Variants in SYNE1 observed in about 807,000 individuals in gnomAD.
SYNE1 encodes nesprin-1.
SYNE1 carries 616 observed loss-of-function variants against 1,111.0 expected under a neutral mutation model. That is an observed-to-expected ratio of 0.55 (90% confidence interval 0.52 to 0.59). SYNE1 has a LOEUF of 0.59. SYNE1 is among the 20% of genes least tolerant of loss of function. The probability of loss-of-function intolerance (pLI) is 0.00; values close to 1 mark genes in which losing one functional copy is unlikely to be tolerated. For missense variants in SYNE1, 10,006 were observed against 10,417.0 expected (o/e 0.96, Z 1.72); for synonymous variants, 3,855 against 3,825.8 (o/e 1.01, Z -0.28).
chr6:152,438,419 A>T (rs988161654), intron 32 of SYNE1, among the ~76,000 whole-genome samples: 9 of 152,230 alleles, frequency 5.9e-5, no homozygotes, highest in African/African-American at 2.2e-4. Flanking sequence ...ATGCAGAGAA[A>T]TCGAAAGAGC....
intron 100 of SYNE1, 115 bp from the exon 101 acceptor site, chr6:152,262,303 ATTAGC>A (rs1648791168): frequency 1.4e-5 from 13 of 947,786 alleles, no homozygotes; most frequent in Non-Finnish European, 2.0e-5. Flanking sequence ...TACCTTAGTT[ATTAGC>A]TTACACTTTA....
At chr6:152,189,822 A>G (rs2813524) in intron 127 of SYNE1, among the ~76,000 whole-genome samples, 60,683 of 152,110 alleles carry the variant, frequency 0.4, 12,369 homozygotes, top group African/African-American at 0.49. Context: ...GTGAAAGGCC[A>G]TTGACTGATC....
chr6:152,207,857 A>C, intron 125 of SYNE1, 115 bp downstream of exon 125: 1 of 950,708 alleles, frequency 1.1e-6, no homozygotes, highest in East Asian at 2.5e-5. Flanking sequence ...ATTTGAGAAC[A>C]ATGTTTGTCC....
Position 152,391,349 on chromosome 6 carries a change from C to T in SYNE1, c.7932G>A (p.Gln2644=). 6.2e-7 allele frequency: 1 copy of T among 1,614,116 alleles called. No individual in the cohort carries two copies. Among genetic ancestry groups the T allele is most frequent in the Admixed American group, 1.7e-5 (1 of 60,022 alleles). Residue 2644 remains glutamine, a synonymous_variant, in exon 52 of 146, where the codon CAG becomes CAA. Coordinates refer to ENST00000367255, the MANE Select transcript of SYNE1 (RefSeq NM_182961.4). The part of the protein sequence containing the change: ...QSMWFWVKAI[Q]DRLACAESTL... ...TGCTCTCTGCACAGGCCAGTCTGTC[C>T]TGAATGGCCTTCACCCAGAACCACA...
intron 18 of SYNE1, among the ~76,000 whole-genome samples, chr6:152,464,008 T>C (rs751449062): frequency 6.6e-6 from 1 of 152,200 alleles, no homozygotes; most frequent in African/African-American, 2.4e-5. Flanking sequence ...AAAGAAAGAA[T>C]AGCTTTCTTT....
rs2094068810 is a variant in SYNE1 at position 152,282,150 on chromosome 6, G to T, written c.18208-170C>A. 11 of 672,200 alleles carry T rather than the reference G, an allele frequency of 1.6e-5. No homozygotes were observed. In the South Asian group the frequency reaches 1.9e-4, roughly 12 times the overall value. 41.6% of individuals were successfully genotyped at this position (672,200 alleles called of 1,614,324 possible). A position where few individuals can be genotyped will look rare whatever the true frequency, so the allele number is the denominator to read the frequency against. ...CCCAGAACAACAATCAGAATTTCTA[G>T]GGGTGAGTCTCAAAATTGGTATTTT... On this transcript the variant is annotated intron_variant, in intron 96 of 145. Coordinates refer to ENST00000367255, the MANE Select transcript of SYNE1 (RefSeq NM_182961.4).
Position 152,233,922 on chromosome 6 carries a change from T to C in SYNE1, c.20571A>G (p.Ser6857=). ...KEVDAQSSLK[S]SVLSTGNQLL... ...GCTGATTTCCAGTACTCAGAACAGATGATTTCAGGGAAGATTGGGCATCCA... is the reference window on the plus strand; with the variant it reads ...GCTGATTTCCAGTACTCAGAACAGACGATTTCAGGGAAGATTGGGCATCCA... The change falls in exon 112 of 146, where the codon TCA becomes TCG. Residue 6857 remains serine, a synonymous_variant. Coordinates refer to ENST00000367255, the MANE Select transcript of SYNE1 (RefSeq NM_182961.4). 6.2e-7 allele frequency: 1 copy of C among 1,614,142 alleles called. No homozygotes were observed.
chr6:152,303,830 T>C (rs1001781674), intron 91 of SYNE1, among the ~76,000 whole-genome samples: 1 of 152,132 alleles, frequency 6.6e-6, no homozygotes, highest in African/African-American at 2.4e-5. Context: ...TTTCCATCCA[T>C]GATTGGTTGA....
At chr6:152,380,282 G>A (rs116600791) in intron 56 of SYNE1, among the ~76,000 whole-genome samples, 2,264 of 152,190 alleles carry the variant, frequency 0.015, 59 homozygotes, top group African/African-American at 0.052. Flanking sequence ...TCCTTTTAAG[G>A]ACATCCATGA....
intron 127 of SYNE1, 71 bp downstream of exon 127, chr6:152,201,753 G>A (rs2075499525): frequency 6.2e-7 from 1 of 1,609,822 alleles, no homozygotes. Context: ...GAGTTTGACT[G>A]GATTATGGCC....
intron 34 of SYNE1, chr6:152,433,525 T>A: frequency 2.1e-6 from 1 of 477,780 alleles, no homozygotes; most frequent in Non-Finnish European, 3.8e-6. Flanking sequence ...AGGAAAAGAA[T>A]TAATGTAACC....
At chr6:152,586,933 G>A (rs919812188) in intron 3 of SYNE1, among the ~76,000 whole-genome samples, 34 of 152,106 alleles carry the variant, frequency 2.2e-4, no homozygotes, top group African/African-American at 4.8e-5. Context: ...GTCTTCTTCA[G>A]CCCTGATTCT....
At position 152,510,927 on chromosome 6, in the gene SYNE1, G is replaced by A. The variant is rs1465321589; in HGVS notation, c.402+84C>T. On this transcript the variant is annotated intron_variant, in intron 7 of 145. Transcript: ENST00000367255. ...GTTAAGGATCAACCCCAAAGATATG[G>A]CAAATGAGAGCATTATTAAAATGGC... 2.1e-5 allele frequency: 25 copies of A among 1,204,794 alleles called. 1 individual carries two copies. The highest frequency in any genetic ancestry group is 3.0e-5 in the Non-Finnish European group (24 of 808,470). The allele number at this position is 1,204,794 out of a possible 1,614,324, so 74.6% of individuals were successfully genotyped here.
Position 152,326,314 on chromosome 6 carries a change from T to C in SYNE1, c.15275A>G (p.Gln5092Arg). 6.2e-7 allele frequency: 1 copy of C among 1,614,164 alleles called. No individual in the cohort carries two copies. Among genetic ancestry groups the C allele is most frequent in the Non-Finnish European group, 8.5e-7 (1 of 1,180,020 alleles). Residue 5092 changes from glutamine (Q) to arginine (R), a missense_variant, in exon 79 of 146, where the codon CAA becomes CGA. Around this residue, in one of 7 missense-constraint regions of SYNE1, gnomAD observed 4,955 missense variants for 5,017.2 expected, o/e 0.99. Coordinates refer to ENST00000367255, the MANE Select transcript of SYNE1 (RefSeq NM_182961.4). Reference protein sequence around the residue: ...SQRMSRDSGAQVDLLQRCTAQ... With the variant: ...SQRMSRDSGARVDLLQRCTAQ... Reference sequence around the variant, plus strand: ...GAAATACCTCTGCAAGAGATCCACTTGGGCACCAGAGTCCCGGCTCATCCT... The same window carrying C: ...GAAATACCTCTGCAAGAGATCCACTCGGGCACCAGAGTCCCGGCTCATCCT...
At chr6:152,522,215 C>T (rs1486659679) in intron 5 of SYNE1, among the ~76,000 whole-genome samples, 1 of 152,028 alleles carries the variant, frequency 6.6e-6, no homozygotes, top group Non-Finnish European at 1.5e-5. Context: ...CTCTCTTACC[C>T]TCATCCTTCT....
intron 39 of SYNE1, among the ~76,000 whole-genome samples, chr6:152,423,352 T>C (rs1225788735): frequency 1.3e-5 from 2 of 152,254 alleles, no homozygotes; most frequent in Non-Finnish European, 2.9e-5. Context: ...AATAAATTTA[T>C]ATGCCTTTTC....
chr6:152,436,019 T>A lies in SYNE1; in HGVS notation c.4232A>T (p.Gln1411Leu). The A allele has an allele frequency of 6.2e-7, 1 of 1,614,156 alleles. No individual in the cohort carries two copies. The highest frequency in any genetic ancestry group is 1.1e-5 in the South Asian group (1 of 91,076). Residue 1411 changes from glutamine to leucine, a missense_variant, in exon 33 of 146, where the codon CAA (glutamine) becomes CTA (leucine). Transcript: ENST00000367255. ...KEASEIPLGP[Q>L]NKQLLQQQAK... The stretch of plus-strand genomic sequence containing the variant: ...CTGCTGTTGAAGCAGCTGCTTATTT[T>A]GGGGCCCAAGCGGTATCTCTGAAGC...
In SYNE1 at chr6:152,404,112, T is replaced by TAC. The variant is rs1335590075; in HGVS notation, c.6825+100_6825+101insGT. The TAC allele has an allele frequency of 4.8e-5, 34 of 702,272 alleles. No homozygotes were observed. In the African/African-American group the frequency reaches 6.1e-4, roughly 13 times the overall value. The allele number at this position is 702,272 out of a possible 1,614,324, so 43.5% of individuals were successfully genotyped here. ...GAGATATAGATATATGAGATATATA[T>TAC]ATATACACACACACACACACACACA... On this transcript the variant is annotated intron_variant, in intron 46 of 145. Transcript: ENST00000367255.
chr6:152,188,587 G>C (rs1187326895), intron 128 of SYNE1, among the ~76,000 whole-genome samples: 2 of 152,092 alleles, frequency 1.3e-5, no homozygotes, highest in Admixed American at 1.3e-4. Flanking sequence ...AAATACAACA[G>C]TAGTTTTTCA....
Sources: gnomAD v4.1 joint callset for allele counts (sites outside exome capture counted in the v4.1 genomes callset) on GRCh38, gnomAD v4.1.1 for gene constraint, gnomAD v4.1.1 regional missense constraint, MANE v1.5 for transcripts, NCBI Gene and HGNC (gene_info 2026-07-23, HGNC 2026-07-21) for gene names.